The following TSPAN9 variants were observed in gnomAD, a reference collection of about 807,000 sequenced individuals.
TSPAN9 encodes the protein tetraspanin 9, also known as tetraspanin-9.
Under a neutral mutation model 31.0 loss-of-function variants are expected in TSPAN9, and 16 were observed. The ratio of observed to expected loss-of-function variants is 0.52; its 90% CI spans 0.35 to 0.78. TSPAN9 has a LOEUF of 0.78. TSPAN9 is among the 30% of genes least tolerant of loss of function. TSPAN9 has a pLI of 0.01. For synonymous variants in TSPAN9, 145 were observed against 121.6 expected, an observed-to-expected ratio of 1.19 and a Z score of -1.27; for missense variants, 272 against 312.5, an observed-to-expected ratio of 0.87 and a Z score of 0.98.
At chr12:3,264,214 G>A (rs1440296751) in intron 3 of TSPAN9, among the ~76,000 whole-genome samples, 2 of 152,040 alleles carry the variant, frequency 1.3e-5, no homozygotes, top group Non-Finnish European at 2.9e-5. Flanking sequence ...TCCTCCCCCT[G>A]TCTGAGAGGC....
intron 3 of TSPAN9, among the ~76,000 whole-genome samples, chr12:3,234,596 T>C (rs1397303926): frequency 6.6e-6 from 1 of 152,150 alleles, no homozygotes; most frequent in Admixed American, 6.5e-5. Context: ...AGACACCTGT[T>C]TTGAAAAAGG....
At chr12:3,257,026 G>T (rs1591709291) in intron 3 of TSPAN9, among the ~76,000 whole-genome samples, 1 of 152,102 alleles carries the variant, frequency 6.6e-6, no homozygotes, top group African/African-American at 2.4e-5. Flanking sequence ...TGAAGTTTGG[G>T]TTTTCTTCTC....
intron 3 of TSPAN9, among the ~76,000 whole-genome samples, chr12:3,217,819 T>C (rs547789537): frequency 6.6e-6 from 1 of 151,766 alleles, no homozygotes; most frequent in East Asian, 1.9e-4. Flanking sequence ...CAGCACGTGC[T>C]CTAGGGATGG....
chr12:3,243,059 G>A (rs2098397438), intron 3 of TSPAN9, among the ~76,000 whole-genome samples: 1 of 152,204 alleles, frequency 6.6e-6, no homozygotes, highest in Admixed American at 6.5e-5. Flanking sequence ...GGTACATTTG[G>A]AGGGATGAAG....
chr12:3,184,730 C>G (rs2098360281), intron 2 of TSPAN9, among the ~76,000 whole-genome samples: 1 of 152,178 alleles, frequency 6.6e-6, no homozygotes, highest in Non-Finnish European at 1.5e-5. Context: ...TGCTGACGTT[C>G]TGCGGCATGA....
At chr12:3,089,507 G>A (rs1055304810) in intron 2 of TSPAN9, among the ~76,000 whole-genome samples, 21 of 151,922 alleles carry the variant, frequency 1.4e-4, no homozygotes, top group Admixed American at 1.1e-3. Context: ...GTGTTGGCCA[G>A]GGTGGTCTCG....
At chr12:3,090,840 G>C (rs565795095) in intron 2 of TSPAN9, among the ~76,000 whole-genome samples, 69 of 152,334 alleles carry the variant, frequency 4.5e-4, no homozygotes, top group African/African-American at 1.5e-3. Context: ...GGAAGATAGT[G>C]CAGACCCCTT....
intron 3 of TSPAN9, among the ~76,000 whole-genome samples, chr12:3,220,417 G>A (rs898576437): frequency 3.3e-5 from 5 of 152,224 alleles, no homozygotes; most frequent in African/African-American, 1.2e-4. Flanking sequence ...GTGCATGGGT[G>A]GGCACCCCAG....
intron 2 of TSPAN9, among the ~76,000 whole-genome samples, chr12:3,159,596 A>G (rs1431919834): frequency 6.6e-6 from 1 of 152,152 alleles, no homozygotes; most frequent in Non-Finnish European, 1.5e-5. Flanking sequence ...GCCTGGCACC[A>G]TGGCTCACAC....
At chr12:3,245,366 T>C (rs1862102273) in intron 3 of TSPAN9, among the ~76,000 whole-genome samples, 1 of 152,130 alleles carries the variant, frequency 6.6e-6, no homozygotes, top group Non-Finnish European at 1.5e-5. Flanking sequence ...ACCCTGACCA[T>C]GGAAAGGGAA....
chr12:3,163,271 A>G (rs998056530), intron 2 of TSPAN9, among the ~76,000 whole-genome samples: 6 of 152,234 alleles, frequency 3.9e-5, no homozygotes, highest in African/African-American at 1.4e-4. Context: ...GGGCCAGCTT[A>G]AATGTCTTGT....
chr12:3,120,635 C>T (rs1014219485), intron 2 of TSPAN9, among the ~76,000 whole-genome samples: 1 of 152,230 alleles, frequency 6.6e-6, no homozygotes, highest in Non-Finnish European at 1.5e-5. Context: ...TTCCTTTCCA[C>T]TAGCCCAGGT....
chr12:3,215,099 A>G (rs10848823), intron 3 of TSPAN9, among the ~76,000 whole-genome samples: 74,045 of 151,932 alleles, frequency 0.49, 18,294 homozygotes, highest in Admixed American at 0.58. Context: ...AAGTCTCCCC[A>G]TTAAAACTCA....
At chr12:3,105,846 TCACACACGTTCACACA>T (rs1282915551) in intron 2 of TSPAN9, among the ~76,000 whole-genome samples, 122 of 149,254 alleles carry the variant, frequency 8.2e-4, no homozygotes, top group African/African-American at 2.9e-3. Flanking sequence ...ATACACACGC[TCACACACGTTCACACA>T]CACACGCTCA....
At chr12:3,158,670 C>G (rs148805978) in intron 2 of TSPAN9, among the ~76,000 whole-genome samples, 1 of 129,604 alleles carries the variant, frequency 7.7e-6, no homozygotes, top group Non-Finnish European at 1.5e-5. Context: ...TGCAGTGAGC[C>G]GAGATCGTAC....
chr12:3,219,242 G>A (rs2098383003), intron 3 of TSPAN9, among the ~76,000 whole-genome samples: 1 of 152,106 alleles, frequency 6.6e-6, no homozygotes, highest in South Asian at 2.1e-4. Context: ...ACTCAGTTTT[G>A]TTTCTTTTTG....
At chr12:3,251,680 A>AC (rs1001473505) in intron 3 of TSPAN9, among the ~76,000 whole-genome samples, 4 of 152,144 alleles carry the variant, frequency 2.6e-5, no homozygotes, top group African/African-American at 9.7e-5. Flanking sequence ...GGACAGAGGG[A>AC]CACACAGGAC....
chr12:3,177,504 C>T (rs542906660), intron 2 of TSPAN9, among the ~76,000 whole-genome samples: 1 of 152,256 alleles, frequency 6.6e-6, no homozygotes, highest in South Asian at 2.1e-4. Context: ...TCAATCTTGG[C>T]TCACTGCACT....
chr12:3,154,008 A>ATGTGTGTGTG (rs1217236640), intron 2 of TSPAN9, among the ~76,000 whole-genome samples: 5 of 56,278 alleles, frequency 8.9e-5, no homozygotes, highest in African/African-American at 2.1e-4. Context: ...TATTATATAT[A>ATGTGTGTGTG]TATGTGTGTG....
Sources: gnomAD v4.1 joint callset for allele counts (sites outside exome capture counted in the v4.1 genomes callset) on GRCh38, gnomAD v4.1.1 for gene constraint, MANE v1.5 for transcripts, NCBI Gene and HGNC (gene_info 2026-07-23, HGNC 2026-07-21) for gene names.